Variants in KCNIP4 observed in about 807,000 individuals in gnomAD.
KCNIP4 encodes potassium voltage-gated channel interacting protein 4.
Under a neutral mutation model 34.0 loss-of-function variants are expected in KCNIP4, and 12 were observed. The observed-to-expected ratio is 0.35, with a 90% CI of 0.23 to 0.57. The LOEUF (loss-of-function observed/expected upper bound fraction) is 0.57. Among genes scored for constraint, KCNIP4 ranks in the 20% least tolerant of loss-of-function variants. The pLI is 0.83. For synonymous variants in KCNIP4, 124 were observed against 102.2 expected (o/e 1.21, Z -1.29); for missense variants, 238 against 311.7 (o/e 0.76, Z 1.78).
At chr4:21,080,172 G>C (rs913660927) in intron 1 of KCNIP4, among the ~76,000 whole-genome samples, 3 of 151,658 alleles carry the variant, frequency 2.0e-5, no homozygotes, top group African/African-American at 7.3e-5. Flanking sequence ...GATAAATCAG[G>C]CTCCTCCACC....
intron 1 of KCNIP4, among the ~76,000 whole-genome samples, chr4:21,050,746 A>C (rs10033946): frequency 0.13 from 19,948 of 152,210 alleles, 1,585 homozygotes; most frequent in African/African-American, 0.22. Context: ...CAGGTTCAGA[A>C]ATACCAAATT....
chr4:20,860,261 T>A (rs1048492283), intron 2 of KCNIP4, among the ~76,000 whole-genome samples: 1 of 152,182 alleles, frequency 6.6e-6, no homozygotes, highest in Non-Finnish European at 1.5e-5. Flanking sequence ...TGGCTCAGCC[T>A]TCCAAGTAGC....
At chr4:21,349,514 C>T (rs1485262678) in intron 1 of KCNIP4, among the ~76,000 whole-genome samples, 1 of 152,122 alleles carries the variant, frequency 6.6e-6, no homozygotes, top group African/African-American at 2.4e-5. Flanking sequence ...CTTTTATAAA[C>T]CTTTAATGAA....
chr4:20,780,921 T>A (rs889983708), intron 3 of KCNIP4, among the ~76,000 whole-genome samples: 2 of 152,212 alleles, frequency 1.3e-5, no homozygotes, highest in Non-Finnish European at 2.9e-5. Flanking sequence ...ACCAGAATAG[T>A]ATTATTTTCT....
chr4:21,643,268 C>T (rs1262838865), intron 1 of KCNIP4, among the ~76,000 whole-genome samples: 2 of 152,022 alleles, frequency 1.3e-5, no homozygotes, highest in South Asian at 2.1e-4. Context: ...AACTTTACAT[C>T]ATAGTAGTTA....
intron 1 of KCNIP4, among the ~76,000 whole-genome samples, chr4:21,482,615 T>C (rs1050150076): frequency 6.6e-6 from 1 of 152,146 alleles, no homozygotes; most frequent in Non-Finnish European, 1.5e-5. Flanking sequence ...AAAATCCTTT[T>C]CTTTAAGAAT....
intron 1 of KCNIP4, among the ~76,000 whole-genome samples, chr4:20,969,677 G>C (rs908103987): frequency 2.0e-5 from 3 of 151,956 alleles, no homozygotes. Flanking sequence ...TTCACACACA[G>C]ATAATTCATT....
intron 1 of KCNIP4, among the ~76,000 whole-genome samples, chr4:21,470,574 C>T (rs62295507): frequency 0.074 from 11,264 of 152,240 alleles, 519 homozygotes; most frequent in East Asian, 0.14. Context: ...GACATTGCTT[C>T]CTCTGCACTT....
At position 21,250,110 on chromosome 4, in the gene KCNIP4, T is replaced by C. The variant is rs146837702; in HGVS notation, c.62-367401A>G. On this transcript the variant is annotated intron_variant, in intron 1 of 8. Transcript: ENST00000382152. ...AACTGTTCAGAAAGGGAGGAGGATC[T>C]CATTTCTTTCTTTTTTTTTTTCCCC... Among the ~76,000 whole-genome samples the C allele has an allele frequency of 3.6e-3, 479 of 132,012 alleles. 4 individuals carry two copies. Among genetic ancestry groups the C allele is most frequent in the African/African-American group, 0.018 (447 of 24,986 alleles). 86.6% of individuals were successfully genotyped at this position (132,012 alleles called of 152,430 possible).
At chr4:21,310,274 G>C (rs1713006007) in intron 1 of KCNIP4, among the ~76,000 whole-genome samples, 1 of 152,078 alleles carries the variant, frequency 6.6e-6, no homozygotes, top group Non-Finnish European at 1.5e-5. Context: ...GACCTCATGT[G>C]ATCCGTCCGC....
At chr4:21,253,002 A>G (rs369415346) in intron 1 of KCNIP4, among the ~76,000 whole-genome samples, 2 of 152,162 alleles carry the variant, frequency 1.3e-5, no homozygotes, top group African/African-American at 4.8e-5. Flanking sequence ...GAGAAAGTCC[A>G]TGGAAAGCAC....
chr4:21,362,317 T>C (rs1409168297), intron 1 of KCNIP4, among the ~76,000 whole-genome samples: 1 of 152,140 alleles, frequency 6.6e-6, no homozygotes, highest in Non-Finnish European at 1.5e-5. Context: ...ACAGACCTCA[T>C]GGTCACGAAA....
chr4:21,744,243 C>T (rs1299575609), intron 1 of KCNIP4, among the ~76,000 whole-genome samples: 1 of 152,184 alleles, frequency 6.6e-6, no homozygotes, highest in Non-Finnish European at 1.5e-5. Flanking sequence ...CCTACAACCC[C>T]TTGGTGAATA....
At chr4:20,781,332 T>C (rs1756852613) in intron 3 of KCNIP4, among the ~76,000 whole-genome samples, 1 of 152,198 alleles carries the variant, frequency 6.6e-6, no homozygotes, top group South Asian at 2.1e-4. Context: ...CAGGTACAAA[T>C]AAATGAGATG....
intron 1 of KCNIP4, among the ~76,000 whole-genome samples, chr4:21,198,986 G>A (rs906231208): frequency 8.5e-5 from 13 of 152,098 alleles, no homozygotes; most frequent in East Asian, 1.9e-4. Context: ...CTGATCTGGC[G>A]CTGTCCTTTC....
intron 1 of KCNIP4, among the ~76,000 whole-genome samples, chr4:21,248,270 A>G (rs1219043596): frequency 6.6e-6 from 1 of 151,974 alleles, no homozygotes; most frequent in Admixed American, 6.6e-5. Flanking sequence ...TCAACAGTAT[A>G]GACTTTAGGA....
rs77972866 is a variant in KCNIP4, at chr4:21,743,367, C to T, written c.61+205204G>A. Among the ~76,000 whole-genome samples the T allele has an allele frequency of 8.8e-3, 1,330 of 151,312 alleles. 19 individuals are homozygous for T. Among genetic ancestry groups the T allele is most frequent in the South Asian group, 0.039 (188 of 4,800 alleles). On this transcript the variant is annotated intron_variant, in intron 1 of 8. Coordinates refer to ENST00000382152, the MANE Select transcript of KCNIP4 (RefSeq NM_025221.6). ...AACCAGCAATGTCTGGTATAGTCTT[C>T]ATCACACTATGTCACTGGGACATTG...
chr4:20,857,565 A>G (rs1721735601), intron 2 of KCNIP4, among the ~76,000 whole-genome samples: 1 of 140,288 alleles, frequency 7.1e-6, no homozygotes, highest in Admixed American at 6.9e-5. Context: ...ACATAAAAAC[A>G]TAACATATAT....
intron 1 of KCNIP4, among the ~76,000 whole-genome samples, chr4:21,338,022 C>G (rs988402259): frequency 3.9e-5 from 6 of 152,044 alleles, no homozygotes; most frequent in Non-Finnish European, 5.9e-5. Flanking sequence ...TCTGCTCCAC[C>G]ATTCTGGATA....
Sources: gnomAD v4.1 joint callset for allele counts (sites outside exome capture counted in the v4.1 genomes callset) on GRCh38, gnomAD v4.1.1 for gene constraint, MANE v1.5 for transcripts, NCBI Gene and HGNC (gene_info 2026-07-23, HGNC 2026-07-21) for gene names.